The following NEGR1 variants were observed in gnomAD, a reference collection of about 807,000 sequenced individuals.
NEGR1 encodes IgLON family member 4.
NEGR1 carries 10 observed loss-of-function variants against 40.9 expected under a neutral mutation model. The ratio of observed to expected loss-of-function variants is 0.24; its 90% CI spans 0.15 to 0.42. NEGR1 has a LOEUF of 0.42. Among genes scored for constraint, NEGR1 ranks in the 10% least tolerant of loss-of-function variants. NEGR1 has a pLI of 1.00. For missense variants in NEGR1, 352 were observed against 438.9 expected (o/e 0.80, Z 1.77); for synonymous variants, 185 against 166.8 (o/e 1.11, Z -0.84).
At chr1:72,110,222 A>T (rs12031016) in intron 1 of NEGR1, among the ~76,000 whole-genome samples, 550 of 31,454 alleles carry the variant, frequency 0.017, 9 homozygotes, top group East Asian at 0.041. Flanking sequence ...AGAGTATAAT[A>T]AAAAAAAAAA....
At chr1:72,012,856 TACACACACAC>T (rs1553130332) in intron 1 of NEGR1, among the ~76,000 whole-genome samples, 3 of 135,196 alleles carry the variant, frequency 2.2e-5, no homozygotes, top group East Asian at 2.3e-4. Flanking sequence ...TATATATATA[TACACACACAC>T]ATATATATAT....
intron 6 of NEGR1, among the ~76,000 whole-genome samples, chr1:71,558,430 A>G (rs1648325851): frequency 6.6e-6 from 1 of 151,580 alleles, no homozygotes; most frequent in Non-Finnish European, 1.5e-5. Context: ...CAATTATTAT[A>G]ATGGCGTTCT....
At chr1:71,770,427 C>T (rs754373516) in intron 3 of NEGR1, among the ~76,000 whole-genome samples, 1 of 152,164 alleles carries the variant, frequency 6.6e-6, no homozygotes, top group Non-Finnish European at 1.5e-5. Flanking sequence ...GTAGCCTAGA[C>T]TTCTGAGTCT....
intron 1 of NEGR1, among the ~76,000 whole-genome samples, chr1:72,067,327 T>TG (rs1348645750): frequency 3.3e-5 from 5 of 152,208 alleles, no homozygotes; most frequent in Non-Finnish European, 7.4e-5. Flanking sequence ...CTGCTCAAAC[T>TG]GGTTTGTAAA....
chr1:72,025,507 C>G (rs1646799495), intron 1 of NEGR1, among the ~76,000 whole-genome samples: 1 of 152,084 alleles, frequency 6.6e-6, no homozygotes, highest in Non-Finnish European at 1.5e-5. Context: ...TGTTTTCAGG[C>G]ACATAGTGCC....
At chr1:71,573,102 T>C (rs1172980168) in intron 6 of NEGR1, among the ~76,000 whole-genome samples, 1 of 152,134 alleles carries the variant, frequency 6.6e-6, no homozygotes, top group Middle Eastern at 3.2e-3. Flanking sequence ...GGAAACACTG[T>C]AGGTATGCTT....
intron 3 of NEGR1, among the ~76,000 whole-genome samples, chr1:71,769,131 T>A (rs1385610106): frequency 6.6e-6 from 1 of 152,180 alleles, no homozygotes; most frequent in Middle Eastern, 3.4e-3. Context: ...GAGAATGGAC[T>A]AATACACTCA....
intron 3 of NEGR1, among the ~76,000 whole-genome samples, chr1:71,719,689 C>T (rs1455591216): frequency 1.3e-5 from 2 of 151,710 alleles, no homozygotes; most frequent in South Asian, 2.1e-4. Flanking sequence ...AGGTTTGTTA[C>T]CTAGGTATAC....
At chr1:72,094,738 G>A (rs1648632824) in intron 1 of NEGR1, among the ~76,000 whole-genome samples, 1 of 152,090 alleles carries the variant, frequency 6.6e-6, no homozygotes. Flanking sequence ...ACTGAAGATT[G>A]TTTTTAGAAA....
chr1:72,162,648 A>G (rs1651613038), intron 1 of NEGR1, among the ~76,000 whole-genome samples: 1 of 152,158 alleles, frequency 6.6e-6, no homozygotes, highest in African/African-American at 2.4e-5. Context: ...TCCAGAGTAG[A>G]ACAACAAGTG....
At chr1:71,710,703 G>T (rs1342509405) in intron 3 of NEGR1, among the ~76,000 whole-genome samples, 1 of 152,046 alleles carries the variant, frequency 6.6e-6, no homozygotes, top group Non-Finnish European at 1.5e-5. Flanking sequence ...CAGAACTTGT[G>T]GTCATAAAGA....
chr1:71,668,112 T>A (rs1652301391), intron 4 of NEGR1, among the ~76,000 whole-genome samples: 1 of 152,206 alleles, frequency 6.6e-6, no homozygotes, highest in Admixed American at 6.5e-5. Flanking sequence ...TTATTTTCAT[T>A]GGGTTTAACT....
At chr1:71,886,278 A>G (rs1282955876) in intron 2 of NEGR1, among the ~76,000 whole-genome samples, 1 of 152,190 alleles carries the variant, frequency 6.6e-6, no homozygotes, top group East Asian at 1.9e-4. Flanking sequence ...AAAATGGTAA[A>G]TGAAAATATT....
At chr1:72,184,207 A>C (rs978827393) in intron 1 of NEGR1, among the ~76,000 whole-genome samples, 2 of 152,122 alleles carry the variant, frequency 1.3e-5, no homozygotes, top group Non-Finnish European at 2.9e-5. Context: ...GCAAGAATAA[A>C]AGAAACAGAG....
chr1:71,511,353 G>A (rs1309539197), intron 6 of NEGR1, among the ~76,000 whole-genome samples: 3 of 152,180 alleles, frequency 2.0e-5, no homozygotes, highest in Non-Finnish European at 4.4e-5. Flanking sequence ...GACAGTGATA[G>A]AGTATGCAGG....
intron 1 of NEGR1, among the ~76,000 whole-genome samples, chr1:72,230,181 C>T (rs1654318776): frequency 6.6e-6 from 1 of 152,098 alleles, no homozygotes; most frequent in African/African-American, 2.4e-5. Flanking sequence ...ATGGAGTTAC[C>T]TATCTCCCTC....
intron 1 of NEGR1, among the ~76,000 whole-genome samples, chr1:72,278,629 A>G (rs1171682939): frequency 6.6e-6 from 1 of 152,058 alleles, no homozygotes; most frequent in Non-Finnish European, 1.5e-5. Context: ...AGTTCTAGAA[A>G]CACTGGGTAC....
At chr1:71,600,742 T>C (rs1417781720) in intron 5 of NEGR1, among the ~76,000 whole-genome samples, 1 of 152,226 alleles carries the variant, frequency 6.6e-6, no homozygotes, top group Admixed American at 6.5e-5. Flanking sequence ...TACCACCCTC[T>C]GTTGTGAGGA....
rs569394618 is a variant in NEGR1, at chr1:72,242,676, C to T, written c.176+39643G>A. On this transcript the variant is annotated intron_variant, in intron 1 of 6. Transcript: ENST00000357731. ...TAACATTTATCAGGCACTTATGTGCCAGAGACTTAGTTCTTTACATGTGTT... is the reference window on the plus strand; with the variant it reads ...TAACATTTATCAGGCACTTATGTGCTAGAGACTTAGTTCTTTACATGTGTT... 1.7e-4 allele frequency among the ~76,000 whole-genome samples: 26 copies of T among 151,604 alleles called. No individual in the cohort carries two copies. In the South Asian group the frequency reaches 4.8e-3, roughly 28 times the overall value.
Sources: allele counts gnomAD v4.1 joint callset (sites outside exome capture counted in the v4.1 genomes callset), GRCh38; gene constraint gnomAD v4.1.1; transcripts MANE v1.5; gene names NCBI Gene and HGNC (gene_info 2026-07-23, HGNC 2026-07-21).